The following RNGTT variants were observed in gnomAD, a reference collection of about 807,000 sequenced individuals.
RNGTT encodes the protein RNA guanylyltransferase and 5'-phosphatase, also known as mRNA-capping enzyme.
In RNGTT, 33 loss-of-function variants were observed where a neutral mutation model predicts 79.3. That is an observed-to-expected ratio of 0.42 (90% CI 0.32 to 0.56). The LOEUF (loss-of-function observed/expected upper bound fraction) is 0.56, where lower values mean the gene tolerates loss of function less well. RNGTT is among the 20% of genes least tolerant of loss of function. RNGTT has a pLI of 0.17. For missense variants in RNGTT, 497 were observed against 739.1 expected (o/e 0.67, Z 3.80); for synonymous variants, 222 against 235.9 (o/e 0.94, Z 0.54).
intron 12 of RNGTT, among the ~76,000 whole-genome samples, chr6:88,774,023 C>T (rs900938678): frequency 1.3e-5 from 2 of 152,028 alleles, no homozygotes; most frequent in Admixed American, 6.6e-5. Flanking sequence ...GAAAAGACAA[C>T]CTACAGAATG....
intron 12 of RNGTT, among the ~76,000 whole-genome samples, chr6:88,800,448 T>C (rs1011546724): frequency 2.0e-4 from 31 of 152,216 alleles, no homozygotes; most frequent in Non-Finnish European, 2.1e-4. Context: ...TCCCTTTCTT[T>C]GACCCCAGGC....
chr6:88,643,609 A>T (rs1004798131), intron 14 of RNGTT, among the ~76,000 whole-genome samples: 1 of 152,030 alleles, frequency 6.6e-6, no homozygotes, highest in African/African-American at 2.4e-5. Flanking sequence ...GAAGTAAAGC[A>T]CTCCTCAGCA....
At chr6:88,930,036 A>G (rs1582143335) in intron 2 of RNGTT, among the ~76,000 whole-genome samples, 1 of 148,970 alleles carries the variant, frequency 6.7e-6, no homozygotes, top group Non-Finnish European at 1.5e-5. Context: ...ATATGCATAT[A>G]TATGCATATA....
intron 13 of RNGTT, among the ~76,000 whole-genome samples, chr6:88,755,959 C>CAAAAAAAAAAAAAAAAAAAAAAAA (rs1157096180): frequency 3.3e-5 from 1 of 30,528 alleles, no homozygotes; most frequent in African/African-American, 1.0e-4. Context: ...GACTCCGTCT[C>CAAAAAAAAAAAAAAAAAAAAAAAA]AAAAAAAAAA....
intron 2 of RNGTT, among the ~76,000 whole-genome samples, chr6:88,933,484 GTT>G (rs796733229): frequency 6.8e-6 from 1 of 146,436 alleles, no homozygotes; most frequent in Admixed American, 6.9e-5. Context: ...CATGAGATCA[GTT>G]TTTTTTTTTT....
rs950419596 is a variant in RNGTT at position 88,611,729 on chromosome 6, G to C, written c.*990C>G. 2.0e-5 allele frequency: 3 copies of C among 152,732 alleles called. No homozygotes were observed. Among genetic ancestry groups the C allele is most frequent in the Middle Eastern group, 6.8e-3 (2 of 294 alleles). 9.5% of individuals were successfully genotyped at this position (152,732 alleles called of 1,614,324 possible). Reference sequence around the variant, plus strand: ...AGTGGGAGAGCATTTTCTGGTGACAGCATTCTATTCCATGACATTACCTTC... The same window carrying C: ...AGTGGGAGAGCATTTTCTGGTGACACCATTCTATTCCATGACATTACCTTC... On this transcript the variant is annotated 3_prime_UTR_variant, in exon 16 of 16. Coordinates refer to ENST00000369485, the MANE Select transcript of RNGTT (RefSeq NM_003800.5).
intron 4 of RNGTT, among the ~76,000 whole-genome samples, chr6:88,913,228 A>AAAAAAAAAAAAC (rs1783892615): frequency 7.7e-6 from 1 of 129,786 alleles, no homozygotes; most frequent in African/African-American, 3.0e-5. Context: ...AAAAAAAAAC[A>AAAAAAAAAAAAC]AAAAAAAAAA....
At chr6:88,715,350 T>C (rs1776472692) in intron 13 of RNGTT, among the ~76,000 whole-genome samples, 1 of 152,132 alleles carries the variant, frequency 6.6e-6, no homozygotes, top group Admixed American at 6.5e-5. Flanking sequence ...TCCATGCTCA[T>C]GGGTAGGAAG....
At chr6:88,715,663 A>G (rs187669199) in intron 13 of RNGTT, among the ~76,000 whole-genome samples, 60 of 152,334 alleles carry the variant, frequency 3.9e-4, no homozygotes, top group Non-Finnish European at 6.9e-4. Context: ...ATAATGCCGC[A>G]TATCTACAAC....
chr6:88,941,997 TG>T (rs1296318293), intron 1 of RNGTT, among the ~76,000 whole-genome samples: 2 of 151,944 alleles, frequency 1.3e-5, no homozygotes, highest in Non-Finnish European at 2.9e-5. Context: ...ATTTTTTTGC[TG>T]GGGGGAGCAC....
intron 11 of RNGTT, among the ~76,000 whole-genome samples, chr6:88,843,869 C>T (rs1016942869): frequency 3.3e-5 from 5 of 150,488 alleles, no homozygotes; most frequent in Admixed American, 6.6e-5. Flanking sequence ...GTATATGATT[C>T]ATTTTAAGTG....
At chr6:88,944,199 T>C (rs1456304720) in intron 1 of RNGTT, among the ~76,000 whole-genome samples, 2 of 152,232 alleles carry the variant, frequency 1.3e-5, no homozygotes, top group African/African-American at 4.8e-5. Context: ...TAAAATACTG[T>C]ACATAATTCA....
chr6:88,738,736 G>A (rs1165724855), intron 13 of RNGTT, among the ~76,000 whole-genome samples: 1 of 151,902 alleles, frequency 6.6e-6, no homozygotes, highest in Non-Finnish European at 1.5e-5. Flanking sequence ...ACTGTTTGTG[G>A]GGGGCCCAAG....
chr6:88,824,994 C>T (rs578157411), intron 11 of RNGTT, among the ~76,000 whole-genome samples: 66 of 152,192 alleles, frequency 4.3e-4, no homozygotes, highest in African/African-American at 1.5e-3. Context: ...CCTCCCACCT[C>T]GGCCTCCCAA....
intron 14 of RNGTT, among the ~76,000 whole-genome samples, chr6:88,631,190 C>T (rs950753224): frequency 5.9e-5 from 9 of 152,156 alleles, no homozygotes; most frequent in African/African-American, 2.2e-4. Context: ...CTGCTACAAA[C>T]GAAAAGTTCT....
At chr6:88,952,815 G>C (rs921393001) in intron 1 of RNGTT, among the ~76,000 whole-genome samples, 1 of 152,160 alleles carries the variant, frequency 6.6e-6, no homozygotes, top group African/African-American at 2.4e-5. Flanking sequence ...TTCAGCACCA[G>C]CCTTAGGGCC....
At chr6:88,886,883 T>C (rs1782878085) in intron 8 of RNGTT, among the ~76,000 whole-genome samples, 1 of 152,074 alleles carries the variant, frequency 6.6e-6, no homozygotes, top group Non-Finnish European at 1.5e-5. Flanking sequence ...TTCCCTATTC[T>C]ACAATGTTTT....
intron 11 of RNGTT, among the ~76,000 whole-genome samples, chr6:88,837,914 C>T (rs1197987118): frequency 6.6e-6 from 1 of 152,020 alleles, no homozygotes; most frequent in African/African-American, 2.4e-5. Context: ...ACTACTGCCA[C>T]AATTTAAAAC....
At chr6:88,949,628 A>G (rs1785177315) in intron 1 of RNGTT, among the ~76,000 whole-genome samples, 2 of 152,132 alleles carry the variant, frequency 1.3e-5, no homozygotes, top group South Asian at 4.1e-4. Context: ...CAAACCAGCC[A>G]CAACATTTCC....
Sources: gnomAD v4.1 joint callset for allele counts (sites outside exome capture counted in the v4.1 genomes callset) on GRCh38, gnomAD v4.1.1 for gene constraint, MANE v1.5 for transcripts, NCBI Gene and HGNC (gene_info 2026-07-23, HGNC 2026-07-21) for gene names.